The following ROBO2 variants were observed in gnomAD, a reference collection of about 807,000 sequenced individuals.
ROBO2 encodes roundabout homolog 2.
ROBO2 carries 53 observed loss-of-function variants against 160.8 expected under a neutral mutation model. The observed-to-expected ratio is 0.33, with a 90% CI of 0.26 to 0.41. ROBO2 has a LOEUF of 0.41. Among genes scored for constraint, ROBO2 ranks in the 10% least tolerant of loss-of-function variants. ROBO2 has a pLI of 1.00. For synonymous variants in ROBO2, 664 were observed against 611.7 expected, an observed-to-expected ratio of 1.09 and a Z score of -1.26; for missense variants, 1,577 against 1,722.4, an observed-to-expected ratio of 0.92 and a Z score of 1.49.
In ROBO2 at chr3:76,283,164, A is replaced by G. The variant is rs935972783; in HGVS notation, c.109+345562A>G. On this transcript the variant is annotated intron_variant, in intron 2 of 26. Transcript: ENST00000487694. ...TATATATATATATAAAACTACATATATATAGTGACCCCTGCCATGCAGCAT... is the reference window on the plus strand; with the variant it reads ...TATATATATATATAAAACTACATATGTATAGTGACCCCTGCCATGCAGCAT... Among the ~76,000 whole-genome samples, 4 of 143,644 alleles carry G rather than the reference A, an allele frequency of 2.8e-5. 1 individual carries two copies. The highest frequency in any genetic ancestry group is 1.0e-4 in the African/African-American group (4 of 40,008). 94.2% of individuals were successfully genotyped at this position (143,644 alleles called of 152,430 possible).
At chr3:76,282,651 G>A (rs151171079) in intron 2 of ROBO2, among the ~76,000 whole-genome samples, 116 of 151,902 alleles carry the variant, frequency 7.6e-4, no homozygotes, top group African/African-American at 2.6e-3. Context: ...TATTTAAAGC[G>A]ACCTGGGAAG....
intron 2 of ROBO2, among the ~76,000 whole-genome samples, chr3:76,774,685 T>C (rs1043555341): frequency 2.0e-5 from 3 of 150,812 alleles, no homozygotes; most frequent in African/African-American, 7.3e-5. Flanking sequence ...ATATAGTTTA[T>C]AGGGCTGTAA....
intron 2 of ROBO2, among the ~76,000 whole-genome samples, chr3:75,958,038 C>T (rs1463851664): frequency 7.3e-5 from 11 of 151,654 alleles, no homozygotes; most frequent in Admixed American, 2.6e-4. Context: ...CAGAAAAACA[C>T]GTATAAATGG....
At chr3:77,586,732 C>G (rs1053499363) in intron 16 of ROBO2, among the ~76,000 whole-genome samples, 1 of 151,410 alleles carries the variant, frequency 6.6e-6, no homozygotes, top group Admixed American at 6.6e-5. Flanking sequence ...TGTTTTCTTT[C>G]TGATAATTCC....
intron 2 of ROBO2, among the ~76,000 whole-genome samples, chr3:76,136,271 A>C (rs376551982): frequency 3.3e-5 from 5 of 152,238 alleles, no homozygotes; most frequent in African/African-American, 7.2e-5. Context: ...GAAAAAATTC[A>C]ATCTTGTTTC....
chr3:77,020,330 A>G (rs1032888840), intron 2 of ROBO2, among the ~76,000 whole-genome samples: 4 of 152,214 alleles, frequency 2.6e-5, no homozygotes, highest in African/African-American at 9.6e-5. Flanking sequence ...AAAGCATTGG[A>G]AAATAGAAGT....
intron 2 of ROBO2, among the ~76,000 whole-genome samples, chr3:76,787,720 G>A (rs1286178133): frequency 6.6e-6 from 1 of 151,254 alleles, no homozygotes; most frequent in Non-Finnish European, 1.5e-5. Flanking sequence ...CTAGAGATTT[G>A]GCTAATATGT....
chr3:76,455,347 T>C (rs1415692463), intron 2 of ROBO2, among the ~76,000 whole-genome samples: 1 of 152,160 alleles, frequency 6.6e-6, no homozygotes, highest in African/African-American at 2.4e-5. Flanking sequence ...AAATACTTCA[T>C]TCTCATTATT....
At chr3:77,353,210 T>C (rs2153460090) in intron 2 of ROBO2, among the ~76,000 whole-genome samples, 1 of 152,342 alleles carries the variant, frequency 6.6e-6, no homozygotes, top group East Asian at 1.9e-4. Flanking sequence ...TTTTCAAAGC[T>C]GTACATTGAA....
At chr3:76,665,912 C>T (rs7432618) in intron 2 of ROBO2, among the ~76,000 whole-genome samples, 117,717 of 140,524 alleles carry the variant, frequency 0.84, 49,524 homozygotes, top group South Asian at 0.93. Flanking sequence ...ATATAATATA[C>T]ACATATTTTA....
At chr3:76,705,533 G>A (rs2093142691) in intron 2 of ROBO2, among the ~76,000 whole-genome samples, 1 of 152,074 alleles carries the variant, frequency 6.6e-6, no homozygotes. Flanking sequence ...AAAGGCCATT[G>A]GATTTGTCAA....
chr3:76,921,765 A>G (rs1284287054), intron 2 of ROBO2, among the ~76,000 whole-genome samples: 1 of 152,186 alleles, frequency 6.6e-6, no homozygotes, highest in Admixed American at 6.5e-5. Context: ...TAGACCACAA[A>G]TGAATCTTGA....
chr3:77,636,561 C>T (rs1466149533), intron 24 of ROBO2, among the ~76,000 whole-genome samples: 2 of 151,738 alleles, frequency 1.3e-5, no homozygotes, highest in African/African-American at 4.8e-5. Context: ...CACTGCACTC[C>T]AGCCTGGGCA....
intron 2 of ROBO2, among the ~76,000 whole-genome samples, chr3:77,381,705 G>T (rs2073491002): frequency 6.6e-6 from 1 of 152,198 alleles, no homozygotes; most frequent in African/African-American, 2.4e-5. Context: ...CTTCAGGCAA[G>T]GGTACTTGTG....
rs1577982796 is a variant in ROBO2 at position 76,976,347 on chromosome 3, C to T, written c.110-121667C>T. ...GAAATAACCTTTTCAGACTGAATAA[C>T]ATTTTCACATAAGCCCACAGATGCT... On this transcript the variant is annotated intron_variant, in intron 2 of 26. Transcript: ENST00000487694. 2.0e-5 allele frequency among the ~76,000 whole-genome samples: 3 copies of T among 152,298 alleles called. No homozygotes were observed. The South Asian group carries it at 6.2e-4, about 32-fold the overall frequency.
chr3:77,088,121 A>G (rs1025432691), intron 1 of ROBO2, among the ~76,000 whole-genome samples: 1 of 152,166 alleles, frequency 6.6e-6, no homozygotes, highest in Non-Finnish European at 1.5e-5. Context: ...CTTAGCTGAT[A>G]AAGGCACTGA....
At chr3:77,494,784 G>T (rs924548683) in intron 5 of ROBO2, among the ~76,000 whole-genome samples, 2 of 152,126 alleles carry the variant, frequency 1.3e-5, no homozygotes, top group African/African-American at 4.8e-5. Context: ...CAAAAGGCAT[G>T]TCACTCATGG....
intron 2 of ROBO2, among the ~76,000 whole-genome samples, chr3:76,900,798 G>A (rs966065959): frequency 3.9e-5 from 6 of 152,194 alleles, no homozygotes; most frequent in Non-Finnish European, 8.8e-5. Context: ...GTTCCTGTAT[G>A]CAGTGAGAAG....
intron 2 of ROBO2, among the ~76,000 whole-genome samples, chr3:76,744,765 A>G (rs2093858032): frequency 2.3e-5 from 2 of 85,456 alleles, no homozygotes; most frequent in Admixed American, 2.4e-4. Context: ...AAAATCTACT[A>G]AAAACTCAAA....
Sources: allele counts gnomAD v4.1 joint callset (sites outside exome capture counted in the v4.1 genomes callset), GRCh38; gene constraint gnomAD v4.1.1; transcripts MANE v1.5; gene names NCBI Gene and HGNC (gene_info 2026-07-23, HGNC 2026-07-21).